TPP2: variants seen among roughly 807,000 people sequenced by gnomAD.
TPP2 encodes tripeptidyl peptidase 2, also known as tripeptidyl-peptidase 2.
In TPP2, 34 loss-of-function variants were observed where a neutral mutation model predicts 155.9. The observed-to-expected ratio is 0.22, with a 90% CI of 0.17 to 0.29. The LOEUF (loss-of-function observed/expected upper bound fraction) is 0.29, where lower values mean the gene tolerates loss of function less well. Among genes scored for constraint, TPP2 ranks in the 10% least tolerant of loss-of-function variants. TPP2 has a pLI of 1.00. For synonymous variants in TPP2, 510 were observed against 529.4 expected (o/e 0.96, Z 0.50); for missense variants, 1,028 against 1,522.3 (o/e 0.68, Z 5.40).
At chr13:102,603,253 G>A (rs1212616399) in intron 1 of TPP2, among the ~76,000 whole-genome samples, 2 of 152,140 alleles carry the variant, frequency 1.3e-5, no homozygotes, top group Non-Finnish European at 2.9e-5. Context: ...ATGTATGTTC[G>A]TGAATAAAGT....
At chr13:102,623,673 A>G (rs1881336886) in intron 6 of TPP2, among the ~76,000 whole-genome samples, 1 of 152,242 alleles carries the variant, frequency 6.6e-6, no homozygotes, top group South Asian at 2.1e-4. Flanking sequence ...AAGAATCCTC[A>G]CTACGGCACT....
intron 5 of TPP2, among the ~76,000 whole-genome samples, chr13:102,620,705 G>A (rs1456243846): frequency 6.6e-6 from 1 of 152,180 alleles, no homozygotes; most frequent in Admixed American, 6.5e-5. Context: ...TTAACGGGTG[G>A]CCTCAGATGA....
chr13:102,639,676 A>G (rs1159411373), intron 15 of TPP2, among the ~76,000 whole-genome samples: 1 of 152,196 alleles, frequency 6.6e-6, no homozygotes, highest in Non-Finnish European at 1.5e-5. Flanking sequence ...CTCATGTAGT[A>G]GGCACTCATT....
intron 25 of TPP2, among the ~76,000 whole-genome samples, chr13:102,660,185 T>TA (rs796301030): frequency 4.7e-5 from 7 of 147,762 alleles, no homozygotes; most frequent in Middle Eastern, 3.6e-3. Context: ...GAGCAACCAC[T>TA]AAAAAAAAAA....
rs1413670999 is a variant in TPP2 at position 102,672,499 on chromosome 13, C to G, written c.3372-1784C>G. 2.0e-5 allele frequency among the ~76,000 whole-genome samples: 3 copies of G among 152,272 alleles called. No individual in the cohort carries two copies. The East Asian group carries it at 5.8e-4, about 29-fold the overall frequency. ...TCCTCTTTCGAAGCTTTTGCAAAAC[C>G]TCGCGGCCTTCCAAGAAGGTTTGCA... On this transcript the variant is annotated intron_variant, in intron 27 of 29. Coordinates refer to ENST00000376052, the MANE Select transcript of TPP2 (RefSeq NM_001330588.2).
chr13:102,644,783 T>TGAA, intron 18 of TPP2, 110 bp downstream of exon 18: 1 of 1,408,972 alleles, frequency 7.1e-7, no homozygotes, highest in Non-Finnish European at 9.8e-7. Context: ...CCTGTGGTTC[T>TGAA]GAAGATAGCA....
chr13:102,649,713 A>G (rs767789498), intron 23 of TPP2, among the ~76,000 whole-genome samples: 10 of 152,158 alleles, frequency 6.6e-5, no homozygotes, highest in African/African-American at 9.6e-5. Flanking sequence ...TCACAAGCCT[A>G]CAGTACTCAG....
At chr13:102,619,444 A>AAAC (rs1410024867) in intron 5 of TPP2, among the ~76,000 whole-genome samples, 3 of 152,174 alleles carry the variant, frequency 2.0e-5, no homozygotes, top group African/African-American at 2.4e-5. Context: ...CTGCAAAAAA[A>AAAC]AAACAAACAA....
At chr13:102,674,262 A>G in intron 27 of TPP2, 21 bp from the exon 28 acceptor site, 1 of 1,593,872 alleles carries the variant, frequency 6.3e-7, no homozygotes, top group Non-Finnish European at 8.5e-7. Context: ...TATCTGAAAT[A>G]TTTTTTAATT....
chr13:102,600,989 T>TG (rs1879390275), intron 1 of TPP2, among the ~76,000 whole-genome samples: 1 of 152,066 alleles, frequency 6.6e-6, no homozygotes, highest in Non-Finnish European at 1.5e-5. Context: ...CTCCTGGGTT[T>TG]AAGCAAGCCT....
At chr13:102,639,766 T>C (rs988155289) in intron 15 of TPP2, among the ~76,000 whole-genome samples, 4 of 152,258 alleles carry the variant, frequency 2.6e-5, no homozygotes, top group African/African-American at 9.6e-5. Flanking sequence ...ATTTGAACTT[T>C]ATTTCATTGA....
chr13:102,663,129 TA>T lies in TPP2; in HGVS notation c.3144-518del, dbSNP rs890791459. Among the ~76,000 whole-genome samples, 97 of 72,542 alleles carry T rather than the reference TA, an allele frequency of 1.3e-3. 1 individual carries two copies. The highest frequency in any genetic ancestry group is 8.7e-3 in the African/African-American group (80 of 9,210). The allele number at this position is 72,542 out of a possible 152,430, so 47.6% of individuals were successfully genotyped here. ...TAATTTTCAGTTTGATTTATTTATT[TA>T]TTTTTTTTAATTAATTAATTAATTT... is the stretch of plus-strand genomic sequence containing the variant. On this transcript the variant is annotated intron_variant, in intron 25 of 29. Coordinates refer to ENST00000376052, the MANE Select transcript of TPP2 (RefSeq NM_001330588.2).
chr13:102,650,981 CA>C (rs1374629102), intron 23 of TPP2, among the ~76,000 whole-genome samples: 1 of 152,170 alleles, frequency 6.6e-6, no homozygotes, highest in Non-Finnish European at 1.5e-5. Flanking sequence ...TTGACTTTCA[CA>C]GTAACTTTGT....
At chr13:102,649,674 G>C (rs677251) in intron 23 of TPP2, among the ~76,000 whole-genome samples, 188 bp downstream of exon 23, 98,008 of 151,936 alleles carry the variant, frequency 0.65, 32,946 homozygotes, top group African/African-American at 0.85. Flanking sequence ...TAAAATGTAT[G>C]CTACTTTTGA....
intron 1 of TPP2, among the ~76,000 whole-genome samples, chr13:102,597,818 TTGTTTCC>T (rs1272262884): frequency 3.9e-4 from 59 of 152,216 alleles, no homozygotes; most frequent in African/African-American, 1.4e-3. Flanking sequence ...TCTTCCGGAA[TTGTTTCC>T]TGTGGTAGTT....
chr13:102,652,542 T>TA (rs1472821085), intron 24 of TPP2, among the ~76,000 whole-genome samples: 2 of 151,496 alleles, frequency 1.3e-5, no homozygotes, highest in African/African-American at 4.8e-5. Context: ...CAGAAAGAAT[T>TA]ACAGTGGGAA....
intron 3 of TPP2, 58 bp from the exon 4 acceptor site, chr13:102,616,338 C>A: frequency 7.3e-7 from 1 of 1,367,248 alleles, no homozygotes; most frequent in Non-Finnish European, 1.0e-6. Flanking sequence ...AAATGCCTGT[C>A]TAGGTTTACC....
chr13:102,604,803 A>G lies in TPP2; in HGVS notation c.176A>G (p.Asp59Gly). 1.2e-6 allele frequency: 2 copies of G among 1,610,492 alleles called. No homozygotes were observed. Among genetic ancestry groups the G allele is most frequent in the Non-Finnish European group, 1.7e-6 (2 of 1,179,184 alleles). ...PGAPGMQVTTDGKPKIVDIID... is the reference protein window; with the variant it reads ...PGAPGMQVTTGGKPKIVDIID... ...TTTCTTAATTTTCAGGTTACAACTG[A>G]TGGAAAACCAAAAATCGTTGATATC... Residue 59 changes from aspartate to glycine, a missense_variant, in exon 2 of 30, where the codon GAT becomes GGT. This residue lies in a region of TPP2 where 300 missense variants were observed against 398.3 expected (regional missense o/e 0.75). Coordinates refer to ENST00000376052, the MANE Select transcript of TPP2 (RefSeq NM_001330588.2).
intron 10 of TPP2, among the ~76,000 whole-genome samples, chr13:102,633,589 GA>G: frequency 6.6e-6 from 1 of 152,164 alleles, no homozygotes; most frequent in East Asian, 1.9e-4. Flanking sequence ...TAAACAGAAG[GA>G]AAGTTTCTTA....
Sources: allele counts gnomAD v4.1 joint callset (sites outside exome capture counted in the v4.1 genomes callset), GRCh38; gene constraint gnomAD v4.1.1; regional missense constraint gnomAD v4.1.1; transcripts MANE v1.5; gene names NCBI Gene and HGNC (gene_info 2026-07-23, HGNC 2026-07-21).